The following SOD1 variants were observed in gnomAD, a reference collection of about 807,000 sequenced individuals.
The protein encoded by SOD1 is superoxide dismutase 1, also known as superoxide dismutase [Cu-Zn].
Under a neutral mutation model 15.9 loss-of-function variants are expected in SOD1, and 8 were observed. That is an observed-to-expected ratio of 0.50 (90% CI 0.30 to 0.91). The LOEUF is 0.91. SOD1 is among the 40% of genes least tolerant of loss of function. The pLI, the probability that SOD1 is intolerant of heterozygous loss-of-function variation, is 0.07. For missense variants in SOD1, 137 were observed against 194.5 expected, an observed-to-expected ratio of 0.70 and a Z score of 1.76; for synonymous variants, 86 against 71.2, an observed-to-expected ratio of 1.21 and a Z score of -1.04.
chr21:31,666,607 C>A, intron 3 of SOD1, 89 bp downstream of exon 3: 1 of 988,924 alleles, frequency 1.0e-6, no homozygotes, highest in Non-Finnish European at 1.6e-6. Flanking sequence ...TAAGATAATT[C>A]CGTGTTTCCC....
intron 2 of SOD1, among the ~76,000 whole-genome samples, chr21:31,664,657 G>A (rs1173879437): frequency 6.6e-6 from 1 of 151,720 alleles, no homozygotes; most frequent in Admixed American, 6.6e-5. Context: ...CTTACTCTGT[G>A]GCCCAGGCTG....
rs2049621305 is a variant in SOD1 at position 31,668,657 on chromosome 21, T to A, written c.*79T>A. 7.6e-6 allele frequency: 8 copies of A among 1,054,398 alleles called. No individual in the cohort carries two copies. The highest frequency in any genetic ancestry group is 1.2e-5 in the Non-Finnish European group (8 of 673,964). The allele number at this position is 1,054,398 out of a possible 1,614,324, so 65.3% of individuals were successfully genotyped here. ...CTGTAGAAATGTATCCTGATAAACA[T>A]TAAACACTGTAATCTTAAAAGTGTA... On this transcript the variant is annotated 3_prime_UTR_variant, in exon 5 of 5. Coordinates refer to ENST00000270142, the MANE Select transcript of SOD1 (RefSeq NM_000454.5).
chr21:31,665,700 G>A (rs1181059369), intron 2 of SOD1, among the ~76,000 whole-genome samples: 2 of 152,182 alleles, frequency 1.3e-5, no homozygotes, highest in Admixed American at 6.5e-5. Context: ...TAAGGCAGCA[G>A]CCTTGGCCCT....
intron 4 of SOD1, among the ~76,000 whole-genome samples, chr21:31,667,808 TC>T (rs1295414976): frequency 6.6e-6 from 1 of 152,192 alleles, no homozygotes; most frequent in East Asian, 1.9e-4. Context: ...GAAGCTGTTG[TC>T]CCAAGTTATC....
chr21:31,661,521 G>C (rs1438883913), intron 1 of SOD1: 1 of 152,242 alleles, frequency 6.6e-6, no homozygotes, highest in Non-Finnish European at 1.5e-5. Flanking sequence ...GCGCCGCCAC[G>C]CCTGGCTAAT....
chr21:31,663,689 C>A, intron 1 of SOD1, 101 bp from the exon 2 acceptor site: 1 of 925,880 alleles, frequency 1.1e-6, no homozygotes, highest in Non-Finnish European at 1.7e-6. Context: ...GATTTTTCCA[C>A]TCCCAAGTCT....
intron 1 of SOD1, among the ~76,000 whole-genome samples, chr21:31,661,035 C>T (rs1304341605): frequency 6.6e-6 from 1 of 152,178 alleles, no homozygotes; most frequent in Non-Finnish European, 1.5e-5. Context: ...AAGGAAGGTG[C>T]TTGTGATAAC....
chr21:31,666,416 A>C (rs1270178743), intron 2 of SOD1, 33 bp from the exon 3 acceptor site: 5 of 1,527,208 alleles, frequency 3.3e-6, no homozygotes, highest in Non-Finnish European at 4.5e-6. Context: ...TTTAATTCAT[A>C]ATTTAGCTTT....
rs374484610 is a variant in SOD1 at position 31,659,861 on chromosome 21, C to T, written c.72+20C>T. The T allele has an allele frequency of 8.1e-6, 13 of 1,610,380 alleles. No homozygotes were observed. The highest frequency in any genetic ancestry group is 1.1e-5 in the South Asian group (1 of 91,038). ...CAGAAGGCAAGGGCTGGGACGGAGG[C>T]TTGTTTGCGAGGCCGCTCCCACCCG... On this transcript the variant is annotated intron_variant, in intron 1 of 4. Transcript: ENST00000270142.
Position 31,659,694 on chromosome 21 carries a change from C to A in SOD1, c.-76C>A. 6.8e-7 allele frequency: 1 copy of A among 1,475,288 alleles called. No individual in the cohort carries two copies. Among genetic ancestry groups the A allele is most frequent in the South Asian group, 1.1e-5 (1 of 88,118 alleles). The allele number at this position is 1,475,288 out of a possible 1,614,324, so 91.4% of individuals were successfully genotyped here. ...GTCGCGGAGACGGGGTGCTGGTTTG[C>A]GTCGTAGTCTCCTGCAGCGTCTGGG... is the stretch of plus-strand genomic sequence containing the variant. On this transcript the variant is annotated 5_prime_UTR_variant, in exon 1 of 5. Coordinates refer to ENST00000270142, the MANE Select transcript of SOD1 (RefSeq NM_000454.5).
intron 4 of SOD1, 96 bp downstream of exon 4, chr21:31,667,471 G>A: frequency 1.1e-6 from 1 of 928,342 alleles, no homozygotes; most frequent in Non-Finnish European, 1.8e-6. Context: ...TAAAGATCCA[G>A]ATAAACTGTA....
At chr21:31,664,427 G>A in intron 2 of SOD1, 1 of 189,446 alleles carries the variant, frequency 5.3e-6, no homozygotes, top group Admixed American at 5.1e-5. Context: ...GAAGACTGGG[G>A]TGGACCTGCT....
At chr21:31,662,234 A>G (rs1415415293) in intron 1 of SOD1, among the ~76,000 whole-genome samples, 2 of 152,172 alleles carry the variant, frequency 1.3e-5, no homozygotes, top group Non-Finnish European at 2.9e-5. Flanking sequence ...TTGAGGGACA[A>G]CTTTCACATT....
chr21:31,661,593 AC>A (rs2049549368), intron 1 of SOD1: 1 of 152,368 alleles, frequency 6.6e-6, no homozygotes, highest in South Asian at 2.1e-4. Context: ...CGATCTGTTG[AC>A]GTCGTGATCC....
At chr21:31,665,518 C>T (rs1601157127) in intron 2 of SOD1, among the ~76,000 whole-genome samples, 1 of 152,162 alleles carries the variant, frequency 6.6e-6, no homozygotes, top group East Asian at 1.9e-4. Flanking sequence ...CTGTAACTTG[C>T]CTGCCTTTCT....
chr21:31,659,961 T>C (rs2049533571), intron 1 of SOD1, 120 bp downstream of exon 1: 2 of 961,582 alleles, frequency 2.1e-6, no homozygotes, highest in Non-Finnish European at 3.1e-6. Context: ...CAGCGCCCGG[T>C]CCCGGCCCGT....
rs774994509 is a variant in SOD1, at chr21:31,667,296, A to G, written c.278A>G (p.Asp93Gly). 8 of 1,614,174 alleles carry G rather than the reference A, an allele frequency of 5.0e-6. No homozygotes were observed. The highest frequency in any genetic ancestry group is 2.2e-5 in the East Asian group (1 of 44,886). The change falls in exon 4 of 5, where the codon GAT (aspartate) becomes GGT (glycine). Residue 93 changes from aspartate (D) to glycine (G), a missense_variant. By Grantham distance (94) the Asp-to-Gly change is moderately conservative (BLOSUM62 -1). Transcript: ENST00000270142. ...TTGGGCAATGTGACTGCTGACAAAG[A>G]TGGTGTGGCCGATGTGTCTATTGAA... ...GDLGNVTADK[D>G]GVADVSIEDS...
rs1182088847 is a variant in SOD1, at chr21:31,659,826, C to T, written c.57C>T (p.Ile19=). The change falls in exon 1 of 5, where the codon ATC becomes ATT. Residue 19 remains isoleucine (I), a synonymous_variant. Coordinates refer to ENST00000270142, the MANE Select transcript of SOD1 (RefSeq NM_000454.5). ...LKGDGPVQGI[I]NFEQKESNGP... is the part of the protein sequence containing the mutation. ...GCGACGGCCCAGTGCAGGGCATCATCAATTTCGAGCAGAAGGCAAGGGCTG... is the reference window on the plus strand; with the variant it reads ...GCGACGGCCCAGTGCAGGGCATCATTAATTTCGAGCAGAAGGCAAGGGCTG... 6.2e-7 allele frequency: 1 copy of T among 1,613,648 alleles called. No homozygotes were observed. The highest frequency in any genetic ancestry group is 1.7e-5 in the Admixed American group (1 of 60,024).
At chr21:31,667,418 TAC>T (rs768755222) in intron 4 of SOD1, 43 bp downstream of exon 4, 4 of 1,258,058 alleles carry the variant, frequency 3.2e-6, no homozygotes, top group African/African-American at 2.9e-5. Context: ...TCTTCTAACA[TAC>T]AGTCATGTAT....
Sources: allele counts gnomAD v4.1 joint callset (sites outside exome capture counted in the v4.1 genomes callset), GRCh38; gene constraint gnomAD v4.1.1; transcripts MANE v1.5; gene names NCBI Gene and HGNC (gene_info 2026-07-23, HGNC 2026-07-21).